The following LIPC variants were observed in gnomAD, a reference collection of about 807,000 sequenced individuals.
The protein encoded by LIPC is hepatic triacylglycerol lipase.
Under a neutral mutation model 50.7 loss-of-function variants are expected in LIPC, and 44 were observed. That is an observed-to-expected ratio of 0.87 (90% CI 0.68 to 1.11). The LOEUF (loss-of-function observed/expected upper bound fraction) is 1.11, where lower values mean the gene tolerates loss of function less well. LIPC is among the 50% of genes most tolerant of loss of function. The probability of loss-of-function intolerance (pLI) is 0.00; values close to 1 mark genes in which losing one functional copy is unlikely to be tolerated. For synonymous variants in LIPC, 271 were observed against 256.4 expected (o/e 1.06, Z -0.54); for missense variants, 697 against 648.2 (o/e 1.08, Z -0.82).
At chr15:58,545,623 C>T (rs35200495) in intron 4 of LIPC, 119 bp from the exon 5 acceptor site, 3 of 835,734 alleles carry the variant, frequency 3.6e-6, no homozygotes, top group East Asian at 5.3e-5. Flanking sequence ...AGGATCAGCC[C>T]TACGTGTTTC....
chr15:58,493,284 T>C (rs1235909201), intron 1 of LIPC, among the ~76,000 whole-genome samples: 6 of 152,144 alleles, frequency 3.9e-5, no homozygotes, highest in South Asian at 2.1e-4. Flanking sequence ...GCCTGCCTAC[T>C]GTCTGCCCGT....
chr15:58,475,141 G>A (rs531101907), intron 1 of LIPC, among the ~76,000 whole-genome samples: 1 of 152,256 alleles, frequency 6.6e-6, no homozygotes, highest in Admixed American at 6.5e-5. Context: ...AAGTCCAGCT[G>A]GCTTTTTCTC....
rs116819257 is a variant in LIPC, at chr15:58,481,754, G to A, written c.88+49634G>A. On this transcript the variant is annotated intron_variant, in intron 1 of 8. Coordinates refer to ENST00000299022, the MANE Select transcript of LIPC (RefSeq NM_000236.3). ...GCAGAGGTTACGGTGAGCCGAGATCGGGCCACTGCACTCCAGCCTGGCCAG... is the reference window on the plus strand; with the variant it reads ...GCAGAGGTTACGGTGAGCCGAGATCAGGCCACTGCACTCCAGCCTGGCCAG... Among the ~76,000 whole-genome samples, 826 of 152,296 alleles carry A rather than the reference G, an allele frequency of 5.4e-3. 10 individuals carry two copies. The highest frequency in any genetic ancestry group is 0.019 in the African/African-American group (790 of 41,556).
intron 1 of LIPC, among the ~76,000 whole-genome samples, chr15:58,465,761 G>A (rs1894537263): frequency 6.6e-6 from 1 of 152,152 alleles, no homozygotes; most frequent in African/African-American, 2.4e-5. Context: ...GAGTCCAAGA[G>A]GGCAGTCATC....
intron 1 of LIPC, among the ~76,000 whole-genome samples, chr15:58,446,265 G>T (rs771872026): frequency 6.6e-6 from 1 of 152,074 alleles, no homozygotes; most frequent in Non-Finnish European, 1.5e-5. Context: ...GCAGTGGTAT[G>T]ATCTTGGCTC....
chr15:58,449,547 G>C (rs1474909144), intron 1 of LIPC, among the ~76,000 whole-genome samples: 1 of 151,700 alleles, frequency 6.6e-6, no homozygotes, highest in Non-Finnish European at 1.5e-5. Context: ...GGTTTTAAAT[G>C]CATTTGTTCT....
chr15:58,491,490 A>T (rs1891585940), intron 1 of LIPC, among the ~76,000 whole-genome samples: 1 of 152,196 alleles, frequency 6.6e-6, no homozygotes, highest in Non-Finnish European at 1.5e-5. Context: ...TAAAACAATA[A>T]GAGGTGCTAA....
rs192104620 is a variant in LIPC, at chr15:58,502,841, G to T, written c.89-35492G>T. On this transcript the variant is annotated intron_variant, in intron 1 of 8. Coordinates refer to ENST00000299022, the MANE Select transcript of LIPC (RefSeq NM_000236.3). ...TCCCATGTGCCAGACAGCCCAACAG[G>T]CTTTAGGGAGGCACAAGGATGAAGA... Among the ~76,000 whole-genome samples the T allele has an allele frequency of 2.0e-5, 3 of 152,020 alleles. No homozygotes were observed. The East Asian group carries it at 5.8e-4, about 30-fold the overall frequency.
At chr15:58,561,258 A>G (rs916059864) in intron 7 of LIPC, among the ~76,000 whole-genome samples, 4 of 152,212 alleles carry the variant, frequency 2.6e-5, no homozygotes, top group Non-Finnish European at 4.4e-5. Flanking sequence ...TAAGACATCA[A>G]TCAGTACTTG....
chr15:58,463,638 T>C (rs1243935567), intron 1 of LIPC, among the ~76,000 whole-genome samples: 3 of 152,206 alleles, frequency 2.0e-5, no homozygotes, highest in African/African-American at 4.8e-5. Context: ...AGGTCTTTTC[T>C]GTGTCCTGAG....
In LIPC at chr15:58,493,748, A is replaced by G. The variant is rs1027814315; in HGVS notation, c.89-44585A>G. Among the ~76,000 whole-genome samples, 14 of 148,548 alleles carry G rather than the reference A, an allele frequency of 9.4e-5. No homozygotes were observed. The East Asian group carries it at 2.5e-3, about 27-fold the overall frequency. The stretch of plus-strand genomic sequence containing the variant: ...TGTGAAATATTTTTTAAATGTTAAT[A>G]TATCTATAATATTTATATATTTGAA... On this transcript the variant is annotated intron_variant, in intron 1 of 8. Transcript: ENST00000299022.
rs541514622 is a variant in LIPC at position 58,484,729 on chromosome 15, T to G, written c.88+52609T>G. Among the ~76,000 whole-genome samples, 109 of 152,154 alleles carry G rather than the reference T, an allele frequency of 7.2e-4. 1 individual carries two copies. The Middle Eastern group carries it at 0.021, about 29-fold the overall frequency. On this transcript the variant is annotated intron_variant, in intron 1 of 8. Transcript: ENST00000299022. ...CCACACTCCTACCGTCGGGCCACACTGCCTCACAACACACTTTCTCGCCAA... is the reference window on the plus strand; with the variant it reads ...CCACACTCCTACCGTCGGGCCACACGGCCTCACAACACACTTTCTCGCCAA...
chr15:58,490,900 A>T (rs2140806052), intron 1 of LIPC, among the ~76,000 whole-genome samples: 1 of 152,300 alleles, frequency 6.6e-6, no homozygotes, highest in Admixed American at 6.5e-5. Flanking sequence ...AGTGTGGAGG[A>T]TACTAATTAC....
At chr15:58,496,414 T>C (rs1177593307) in intron 1 of LIPC, among the ~76,000 whole-genome samples, 1 of 152,168 alleles carries the variant, frequency 6.6e-6, no homozygotes, top group Non-Finnish European at 1.5e-5. Flanking sequence ...CCTTGTCTTA[T>C]TCATCCTTGG....
intron 1 of LIPC, among the ~76,000 whole-genome samples, chr15:58,497,004 T>C (rs1279636187): frequency 1.3e-5 from 2 of 152,120 alleles, no homozygotes; most frequent in Non-Finnish European, 2.9e-5. Context: ...TAAATCTTGA[T>C]TGATGGACAT....
At chr15:58,539,208 G>T (rs1366404766) in intron 2 of LIPC, among the ~76,000 whole-genome samples, 8 of 152,142 alleles carry the variant, frequency 5.3e-5, no homozygotes, top group African/African-American at 1.9e-4. Context: ...GTTTTTACAA[G>T]AGCTTTATTG....
intron 1 of LIPC, among the ~76,000 whole-genome samples, chr15:58,472,725 GA>G (rs1195408728): frequency 6.6e-6 from 1 of 152,040 alleles, no homozygotes; most frequent in Non-Finnish European, 1.5e-5. Context: ...ATTTAGATCA[GA>G]AAAAATAAAG....
intron 1 of LIPC, among the ~76,000 whole-genome samples, chr15:58,535,365 C>G (rs1205781168): frequency 6.6e-6 from 1 of 152,150 alleles, no homozygotes; most frequent in Non-Finnish European, 1.5e-5. Context: ...TGAGCACATA[C>G]CTGTATACAG....
chr15:58,479,354 T>C (rs1381260591), intron 1 of LIPC, among the ~76,000 whole-genome samples: 1 of 152,228 alleles, frequency 6.6e-6, no homozygotes, highest in Non-Finnish European at 1.5e-5. Flanking sequence ...GTTCCTAAGA[T>C]AAAGATCATT....
Sources: gnomAD v4.1 joint callset for allele counts (sites outside exome capture counted in the v4.1 genomes callset) on GRCh38, gnomAD v4.1.1 for gene constraint, MANE v1.5 for transcripts, NCBI Gene and HGNC (gene_info 2026-07-23, HGNC 2026-07-21) for gene names.